Variants in FSTL5 observed in about 807,000 individuals in gnomAD.
FSTL5 encodes the protein follistatin like 5.
A neutral mutation model predicts 89.1 loss-of-function variants in FSTL5; 62 were observed. The ratio of observed to expected loss-of-function variants is 0.70; its 90% CI spans 0.57 to 0.86. FSTL5 has a LOEUF of 0.86. FSTL5 is among the 40% of genes least tolerant of loss of function. The pLI is 0.00. For missense variants in FSTL5, 1,057 were observed against 1,001.6 expected, an observed-to-expected ratio of 1.06 and a Z score of -0.75; for synonymous variants, 383 against 346.2, an observed-to-expected ratio of 1.11 and a Z score of -1.18.
intron 10 of FSTL5, among the ~76,000 whole-genome samples, chr4:161,534,583 A>G (rs1731530208): frequency 6.6e-6 from 1 of 152,122 alleles, no homozygotes; most frequent in East Asian, 1.9e-4. Context: ...AGATGACACA[A>G]ATGAACGGAA....
At chr4:161,732,809 C>T (rs34045517) in intron 6 of FSTL5, among the ~76,000 whole-genome samples, 84,782 of 151,334 alleles carry the variant, frequency 0.56, 26,848 homozygotes, top group Non-Finnish European at 0.71. Flanking sequence ...CTGACGTTAT[C>T]TGCTTTTTTT....
intron 6 of FSTL5, among the ~76,000 whole-genome samples, chr4:161,700,914 T>G (rs1158465663): frequency 6.6e-6 from 1 of 152,228 alleles, no homozygotes; most frequent in African/African-American, 2.4e-5. Context: ...ATAACAATAA[T>G]GTAGTTTGGA....
At chr4:161,719,511 T>TA (rs1739116675) in intron 6 of FSTL5, among the ~76,000 whole-genome samples, 1 of 152,170 alleles carries the variant, frequency 6.6e-6, no homozygotes, top group African/African-American at 2.4e-5. Flanking sequence ...TCTATTTCTG[T>TA]AAAAAATGCC....
chr4:161,698,064 AT>A (rs1738238314), intron 6 of FSTL5, among the ~76,000 whole-genome samples: 2 of 151,978 alleles, frequency 1.3e-5, no homozygotes, highest in African/African-American at 2.4e-5. Context: ...TTGGTAAGTG[AT>A]TAGGTCATAA....
chr4:161,918,927 G>A (rs1016958396), intron 4 of FSTL5, among the ~76,000 whole-genome samples: 2 of 151,838 alleles, frequency 1.3e-5, no homozygotes, highest in African/African-American at 4.9e-5. Flanking sequence ...ACCAGGGTGA[G>A]CCACCATGCC....
chr4:162,027,889 A>AT (rs1737360461), intron 3 of FSTL5, among the ~76,000 whole-genome samples: 2 of 152,172 alleles, frequency 1.3e-5, no homozygotes, highest in Middle Eastern at 3.4e-3. Context: ...TTGAAAATTG[A>AT]TTTTTAATAA....
rs185818828 is a variant in FSTL5, at chr4:161,437,220, C to T, written c.1841+17784G>A. On this transcript the variant is annotated intron_variant, in intron 15 of 15. Coordinates refer to ENST00000306100, the MANE Select transcript of FSTL5 (RefSeq NM_020116.5). ...AGTTTGGTGGAAGGAGAGATCACTGCGGGTTTGACAGTAGGAGGTAACAGC... is the reference window on the plus strand; with the variant it reads ...AGTTTGGTGGAAGGAGAGATCACTGTGGGTTTGACAGTAGGAGGTAACAGC... Among the ~76,000 whole-genome samples the T allele has an allele frequency of 2.5e-3, 373 of 151,870 alleles. 4 individuals are homozygous for T. Among genetic ancestry groups the T allele is most frequent in the African/African-American group, 8.3e-3 (345 of 41,414 alleles).
chr4:161,712,558 T>A (rs894847890), intron 6 of FSTL5, among the ~76,000 whole-genome samples: 6 of 152,192 alleles, frequency 3.9e-5, no homozygotes, highest in Non-Finnish European at 8.8e-5. Flanking sequence ...ATATTGATAT[T>A]TAAACACTTG....
At chr4:161,644,147 A>G (rs1412169076) in intron 7 of FSTL5, among the ~76,000 whole-genome samples, 1 of 152,002 alleles carries the variant, frequency 6.6e-6, no homozygotes, top group Non-Finnish European at 1.5e-5. Context: ...GCGTTTGTTT[A>G]CTTTTGAAGG....
chr4:161,439,166 C>A (rs1732676333), intron 15 of FSTL5, among the ~76,000 whole-genome samples: 1 of 152,162 alleles, frequency 6.6e-6, no homozygotes, highest in Non-Finnish European at 1.5e-5. Flanking sequence ...ATTTATTGCA[C>A]ATTAATGATA....
chr4:162,089,925 T>G (rs1255203768), intron 2 of FSTL5, among the ~76,000 whole-genome samples: 2 of 152,170 alleles, frequency 1.3e-5, no homozygotes, highest in South Asian at 2.1e-4. Context: ...GGATACATAT[T>G]TTATTTTTAT....
At chr4:161,695,585 G>A (rs1401816964) in intron 6 of FSTL5, among the ~76,000 whole-genome samples, 1 of 152,062 alleles carries the variant, frequency 6.6e-6, no homozygotes, top group Non-Finnish European at 1.5e-5. Context: ...AAACATGCAT[G>A]TGCAAGTATC....
intron 4 of FSTL5, among the ~76,000 whole-genome samples, chr4:161,846,454 G>A (rs901095401): frequency 1.3e-5 from 2 of 151,874 alleles, no homozygotes; most frequent in African/African-American, 4.8e-5. Flanking sequence ...AACATCTTGA[G>A]GCATTTATAC....
intron 4 of FSTL5, among the ~76,000 whole-genome samples, chr4:161,880,354 T>C (rs1033538620): frequency 1.3e-5 from 2 of 152,064 alleles, no homozygotes; most frequent in African/African-American, 2.4e-5. Flanking sequence ...TCAGAAACCA[T>C]AATTATTAAA....
intron 7 of FSTL5, among the ~76,000 whole-genome samples, chr4:161,650,735 T>A (rs1488336945): frequency 6.6e-6 from 1 of 152,116 alleles, no homozygotes; most frequent in Admixed American, 6.6e-5. Context: ...AGCTAAGAAG[T>A]GGCAAAACTA....
intron 4 of FSTL5, among the ~76,000 whole-genome samples, chr4:161,887,982 A>G (rs538284111): frequency 2.0e-5 from 3 of 152,268 alleles, no homozygotes; most frequent in Admixed American, 6.5e-5. Flanking sequence ...TGATTTCACC[A>G]AAGTCCAACT....
chr4:161,586,636 G>T (rs1733627234), intron 8 of FSTL5, among the ~76,000 whole-genome samples: 1 of 152,276 alleles, frequency 6.6e-6, no homozygotes, highest in South Asian at 2.1e-4. Context: ...AAATAAATCA[G>T]AATGTGCTAC....
chr4:161,609,054 T>G (rs1734553034), intron 7 of FSTL5, among the ~76,000 whole-genome samples: 1 of 152,158 alleles, frequency 6.6e-6, no homozygotes, highest in East Asian at 1.9e-4. Context: ...TTATATTAAC[T>G]TACATTTTGT....
At chr4:161,391,558 G>A (rs1454591448) in intron 15 of FSTL5, among the ~76,000 whole-genome samples, 1 of 152,006 alleles carries the variant, frequency 6.6e-6, no homozygotes, top group Non-Finnish European at 1.5e-5. Flanking sequence ...TGAATATAAA[G>A]GAATTTATAT....
Sources: allele counts gnomAD v4.1 joint callset (sites outside exome capture counted in the v4.1 genomes callset), GRCh38; gene constraint gnomAD v4.1.1; transcripts MANE v1.5; gene names NCBI Gene and HGNC (gene_info 2026-07-23, HGNC 2026-07-21).